The following PARP1 variants were observed in gnomAD, a reference collection of about 807,000 sequenced individuals.
PARP1 encodes poly [ADP-ribose] polymerase 1.
Under a neutral mutation model 118.7 loss-of-function variants are expected in PARP1, and 44 were observed. That is an observed-to-expected ratio of 0.37 (90% CI 0.29 to 0.48). The LOEUF is 0.48. PARP1 is among the 20% of genes least tolerant of loss of function. The pLI is 0.99. For missense variants in PARP1, 1,100 were observed against 1,272.4 expected (o/e 0.86, Z 2.06); for synonymous variants, 492 against 483.2 (o/e 1.02, Z -0.24).
intron 7 of PARP1, among the ~76,000 whole-genome samples, chr1:226,384,041 A>C (rs951028256): frequency 6.6e-6 from 1 of 152,232 alleles, no homozygotes. Context: ...ACTTTAACAA[A>C]GGAGCTAAGC....
intron 7 of PARP1, among the ~76,000 whole-genome samples, chr1:226,383,541 C>T (rs1001089530): frequency 1.4e-4 from 22 of 152,210 alleles, no homozygotes; most frequent in African/African-American, 5.3e-4. Flanking sequence ...TGAGTTGCTC[C>T]CTTCGAGAGT....
At chr1:226,365,268 A>ATC in intron 18 of PARP1, 114 bp from the exon 19 acceptor site, 1 of 1,167,276 alleles carries the variant, frequency 8.6e-7, no homozygotes, top group Non-Finnish European at 1.3e-6. Flanking sequence ...AGGCTAGAAG[A>ATC]CTTAAGGTCT....
At chr1:226,402,023 T>C (rs1050752935) in intron 2 of PARP1, 191 bp downstream of exon 2, 2 of 1,499,072 alleles carry the variant, frequency 1.3e-6, no homozygotes, top group African/African-American at 1.4e-5. Context: ...AAAAACAAAA[T>C]ACCAAATATC....
chr1:226,388,512 G>GA (rs1664756070), intron 5 of PARP1, 144 bp downstream of exon 5: 2 of 678,760 alleles, frequency 2.9e-6, no homozygotes, highest in Non-Finnish European at 5.4e-6. Flanking sequence ...AGAATCTGGG[G>GA]AAAAGCCATG....
intron 14 of PARP1, among the ~76,000 whole-genome samples, chr1:226,373,378 G>A (rs965661139): frequency 7.2e-5 from 11 of 152,194 alleles, no homozygotes; most frequent in Admixed American, 4.6e-4. Flanking sequence ...TGAAGCTTCT[G>A]GGTTCAGCAG....
chr1:226,386,139 C>G (rs1221802484), intron 6 of PARP1, among the ~76,000 whole-genome samples, 187 bp downstream of exon 6: 2 of 152,196 alleles, frequency 1.3e-5, no homozygotes, highest in Non-Finnish European at 2.9e-5. Flanking sequence ...CCGGCCCCAT[C>G]CACCCCGGAA....
chr1:226,364,930 T>C lies in PARP1; in HGVS notation c.2658+72A>G, dbSNP rs375896690. 373 of 1,558,840 alleles carry C rather than the reference T, an allele frequency of 2.4e-4. 4 individuals carry two copies. The East Asian group carries it at 6.1e-3, about 25-fold the overall frequency. On this transcript the variant is annotated intron_variant, in intron 19 of 22. Coordinates refer to ENST00000366794, the MANE Select transcript of PARP1 (RefSeq NM_001618.4). Reference sequence around the variant, plus strand: ...AATCCCCCTAAACCAACTAGACCTCTTGCTCAAAGTTCTTTATGGAGACAC... The same window carrying C: ...AATCCCCCTAAACCAACTAGACCTCCTGCTCAAAGTTCTTTATGGAGACAC...
At chr1:226,398,212 ACT>A (rs1664963311) in intron 2 of PARP1, among the ~76,000 whole-genome samples, 1 of 152,180 alleles carries the variant, frequency 6.6e-6, no homozygotes, top group Non-Finnish European at 1.5e-5. Context: ...CCAGCCACAC[ACT>A]GAGAAAAAAT....
At position 226,394,832 on chromosome 1, in the gene PARP1, A is replaced by C. The variant is rs574738119; in HGVS notation, c.287-2518T>G. Among the ~76,000 whole-genome samples the C allele has an allele frequency of 7.2e-5, 11 of 152,346 alleles. No homozygotes were observed. The South Asian group carries it at 2.1e-3, about 29-fold the overall frequency. On this transcript the variant is annotated intron_variant, in intron 2 of 22. Transcript: ENST00000366794. ...AATCCTGGCTCAGGAATTTACTACC[A>C]GTATAACCTTGGGTCAGTTACCTAA...
rs1051691098 is a variant in PARP1 at position 226,361,242 on chromosome 1, AAAC to A, written c.*215_*217del. ...TTATCTACCTGGCAAGAAAAAACAA[AAAC>A]AACCCCAAAACAACCCCTCCCCACA... is the stretch of plus-strand genomic sequence containing the variant. On this transcript the variant is annotated 3_prime_UTR_variant, in exon 23 of 23. Transcript: ENST00000366794. 2.0e-5 allele frequency: 12 copies of A among 603,966 alleles called. No individual in the cohort carries two copies. Among genetic ancestry groups the A allele is most frequent in the African/African-American group, 1.9e-4 (10 of 53,788 alleles). The allele number at this position is 603,966 out of a possible 1,614,324, so 37.4% of individuals were successfully genotyped here. A position where few individuals can be genotyped will look rare whatever the true frequency, so the allele number is the denominator to read the frequency against.
intron 1 of PARP1, among the ~76,000 whole-genome samples, chr1:226,402,737 G>A (rs1665062284): frequency 6.6e-6 from 1 of 152,238 alleles, no homozygotes; most frequent in Non-Finnish European, 1.5e-5. Flanking sequence ...ATGGCCTAGT[G>A]AAATGCACAG....
intron 1 of PARP1, among the ~76,000 whole-genome samples, chr1:226,402,929 GAA>G (rs963736702): frequency 2.6e-5 from 4 of 152,344 alleles, no homozygotes; most frequent in Non-Finnish European, 4.4e-5. Context: ...AAGTGTGTCA[GAA>G]AAAAGTGTCA....
intron 2 of PARP1, among the ~76,000 whole-genome samples, chr1:226,394,124 G>C (rs1358355408): frequency 6.7e-6 from 1 of 149,740 alleles, no homozygotes; most frequent in Non-Finnish European, 1.5e-5. Flanking sequence ...TGAGGCAGGA[G>C]GATCACTTGA....
rs1223381752 is a variant in PARP1 at position 226,408,067 on chromosome 1, G to A, written c.-138C>T. 1.2e-5 allele frequency: 15 copies of A among 1,260,322 alleles called. No individual in the cohort carries two copies. Among genetic ancestry groups the A allele is most frequent in the African/African-American group, 1.5e-5 (1 of 67,704 alleles). 78.1% of individuals were successfully genotyped at this position (1,260,322 alleles called of 1,614,324 possible). On this transcript the variant is annotated 5_prime_UTR_variant, in exon 1 of 23. Transcript: ENST00000366794. ...AGCCGCCACCGAACACGCCGCACCGGCCACCGCCGTTCCCTGATAGATTGC... is the reference window on the plus strand; with the variant it reads ...AGCCGCCACCGAACACGCCGCACCGACCACCGCCGTTCCCTGATAGATTGC...
At chr1:226,373,159 CCT>C (rs777539968) in intron 14 of PARP1, among the ~76,000 whole-genome samples, 10 of 152,170 alleles carry the variant, frequency 6.6e-5, no homozygotes, top group Non-Finnish European at 8.8e-5. Flanking sequence ...GTTTTGACCC[CCT>C]GTCCTCCCAG....
rs1664120238 is a variant in PARP1, at chr1:226,360,849, C to T, written c.*611G>A. 4.4e-6 allele frequency: 1 copy of T among 228,530 alleles called. No individual in the cohort carries two copies. The highest frequency in any genetic ancestry group is 5.7e-5 in the Admixed American group (1 of 17,680). 14.2% of individuals were successfully genotyped at this position (228,530 alleles called of 1,614,324 possible). A position where few individuals can be genotyped will look rare whatever the true frequency, so the allele number is the denominator to read the frequency against. ...TACATATTTCAAGAGCTCCCATGTTCAGTATTCCTGGAGAAGGAAAGCTCT... is the reference window on the plus strand; with the variant it reads ...TACATATTTCAAGAGCTCCCATGTTTAGTATTCCTGGAGAAGGAAAGCTCT... On this transcript the variant is annotated 3_prime_UTR_variant, in exon 23 of 23. Coordinates refer to ENST00000366794, the MANE Select transcript of PARP1 (RefSeq NM_001618.4).
At chr1:226,366,290 T>C (rs1664264113) in intron 17 of PARP1, 1 of 498,136 alleles carries the variant, frequency 2.0e-6, no homozygotes, top group Non-Finnish European at 3.7e-6. Flanking sequence ...GGGTTCCTTT[T>C]TGTCTTAAAA....
At chr1:226,364,276 C>G in intron 19 of PARP1, 1 of 560,428 alleles carries the variant, frequency 1.8e-6, no homozygotes, top group Non-Finnish European at 3.3e-6. Context: ...TGCCAAGGAG[C>G]TGCAAGAAGC....
intron 4 of PARP1, among the ~76,000 whole-genome samples, chr1:226,389,709 G>C (rs1200951741): frequency 6.6e-6 from 1 of 152,192 alleles, no homozygotes; most frequent in African/African-American, 2.4e-5. Context: ...GCAATGAACA[G>C]GCGTTATGAA....
Sources: allele counts gnomAD v4.1 joint callset (sites outside exome capture counted in the v4.1 genomes callset), GRCh38; gene constraint gnomAD v4.1.1; transcripts MANE v1.5; gene names NCBI Gene and HGNC (gene_info 2026-07-23, HGNC 2026-07-21).